Variants in LMF1 observed in about 807,000 individuals in gnomAD.
LMF1 encodes the protein transmembrane protein 112.
In LMF1, 68 loss-of-function variants were observed where a neutral mutation model predicts 60.6. The ratio of observed to expected loss-of-function variants is 1.12; its 90% confidence interval spans 0.92 to 1.37. The LOEUF is 1.37. Among genes scored for constraint, LMF1 ranks in the 40% most tolerant of loss-of-function variants. The pLI, the probability that LMF1 is intolerant of heterozygous loss-of-function variation, is 0.00. For missense variants in LMF1, 948 were observed against 767.2 expected (o/e 1.24, Z -2.78); for synonymous variants, 418 against 324.7 (o/e 1.29, Z -3.09).
intron 1 of LMF1, among the ~76,000 whole-genome samples, chr16:965,434 A>C (rs897740975): frequency 1.3e-5 from 2 of 152,042 alleles, no homozygotes; most frequent in Admixed American, 6.6e-5. Flanking sequence ...ACAAGAGAGC[A>C]AAAAAAAGAG....
intron 1 of LMF1, 28 bp from the exon 2 acceptor site, chr16:954,694 A>C (rs3751666): frequency 6.4e-6 from 10 of 1,559,870 alleles, no homozygotes; most frequent in East Asian, 2.2e-5. Context: ...CAAAACAAGC[A>C]TGACTAGGAA....
intron 1 of LMF1, among the ~76,000 whole-genome samples, chr16:965,689 C>G (rs1231130652): frequency 1.3e-5 from 2 of 152,140 alleles, no homozygotes; most frequent in South Asian, 4.1e-4. Context: ...CACCAGCAAA[C>G]AGGAAGGCAT....
chr16:904,366 G>A (rs1596960297), intron 4 of LMF1, among the ~76,000 whole-genome samples: 2 of 97,484 alleles, frequency 2.1e-5, no homozygotes, highest in African/African-American at 4.2e-5. Context: ...CAGGACGCCT[G>A]TCTCTGCTGC....
intron 3 of LMF1, among the ~76,000 whole-genome samples, chr16:920,606 C>T (rs1032784229): frequency 2.3e-4 from 35 of 152,130 alleles, no homozygotes; most frequent in Admixed American, 9.8e-4. Flanking sequence ...CCCAGGAGCT[C>T]GTGGAAGGCA....
At chr16:969,992 C>A (rs1253442099) in intron 1 of LMF1, among the ~76,000 whole-genome samples, 1 of 152,218 alleles carries the variant, frequency 6.6e-6, no homozygotes, top group East Asian at 1.9e-4. Flanking sequence ...GCTCTGTAGG[C>A]TGCGCACGCG....
intron 1 of LMF1, among the ~76,000 whole-genome samples, chr16:964,887 C>T (rs372343943): frequency 6.6e-6 from 1 of 152,184 alleles, no homozygotes; most frequent in Non-Finnish European, 1.5e-5. Flanking sequence ...GCCGGGGAGA[C>T]GCGATAAAAC....
chr16:904,328 T>C (rs2070911838), intron 4 of LMF1, among the ~76,000 whole-genome samples: 1 of 119,968 alleles, frequency 8.3e-6, no homozygotes, highest in Admixed American at 8.0e-5. Context: ...CTGTCTCTGC[T>C]GCGTGGTGGT....
chr16:941,464 C>A (rs2072099482), intron 2 of LMF1, among the ~76,000 whole-genome samples: 2 of 152,348 alleles, frequency 1.3e-5, no homozygotes, highest in South Asian at 4.1e-4. Context: ...CTCAGGTGAT[C>A]TGCCTGCCTT....
At chr16:931,641 C>T in intron 3 of LMF1, 4 of 1,286,952 alleles carry the variant, frequency 3.1e-6, no homozygotes, top group Non-Finnish European at 4.0e-6. Context: ...CGGAGTCATA[C>T]CTCAGTAACT....
At chr16:892,153 G>A (rs1041528834) in intron 5 of LMF1, among the ~76,000 whole-genome samples, 5 of 152,336 alleles carry the variant, frequency 3.3e-5, no homozygotes, top group African/African-American at 9.6e-5. Context: ...GCTTGGAGGC[G>A]GTGAGTGCCA....
intron 1 of LMF1, among the ~76,000 whole-genome samples, chr16:967,492 C>T (rs182022485): frequency 6.6e-6 from 1 of 152,226 alleles, no homozygotes; most frequent in Non-Finnish European, 1.5e-5. Context: ...GAGGCACCGG[C>T]ACCCATGGGC....
intron 3 of LMF1, among the ~76,000 whole-genome samples, chr16:912,706 C>A (rs1215064299): frequency 6.6e-6 from 1 of 152,202 alleles, no homozygotes; most frequent in African/African-American, 2.4e-5. Flanking sequence ...CCCACGGAAG[C>A]CAGAGCCGCC....
At chr16:917,351 G>A (rs918878004) in intron 3 of LMF1, among the ~76,000 whole-genome samples, 5 of 100,798 alleles carry the variant, frequency 5.0e-5, no homozygotes, top group African/African-American at 1.1e-4. Context: ...GCGGGTGGGC[G>A]CAGGCCCACG....
intron 2 of LMF1, among the ~76,000 whole-genome samples, chr16:935,482 T>A (rs1342642633): frequency 6.6e-6 from 1 of 151,536 alleles, no homozygotes; most frequent in African/African-American, 2.4e-5. Context: ...GGTTGTCCAA[T>A]CTTGTGGCTT....
chr16:942,572 C>T (rs1293528341), intron 2 of LMF1, among the ~76,000 whole-genome samples: 1 of 151,310 alleles, frequency 6.6e-6, no homozygotes, highest in Non-Finnish European at 1.5e-5. Flanking sequence ...GCTCCAATCA[C>T]ACATATGTTA....
intron 2 of LMF1, among the ~76,000 whole-genome samples, chr16:941,898 T>C (rs1363618880): frequency 6.6e-6 from 1 of 152,232 alleles, no homozygotes; most frequent in African/African-American, 2.4e-5. Flanking sequence ...ATTACAGTAT[T>C]ACAGTTTTTG....
intron 10 of LMF1, among the ~76,000 whole-genome samples, chr16:867,265 T>C (rs371893317): frequency 7.2e-5 from 11 of 152,240 alleles, no homozygotes; most frequent in African/African-American, 2.4e-4. Flanking sequence ...AGGTAGACTT[T>C]GGGACTCATG....
intron 1 of LMF1, among the ~76,000 whole-genome samples, chr16:958,657 T>C (rs963174742): frequency 5.9e-5 from 9 of 152,010 alleles, no homozygotes; most frequent in Non-Finnish European, 1.0e-4. Flanking sequence ...GAGGCCGAGG[T>C]GGGCAGATCA....
At position 928,670 on chromosome 16, in the gene LMF1, A is replaced by T. The variant is rs1189206304; in HGVS notation, c.514+5574T>A. Among the ~76,000 whole-genome samples the T allele has an allele frequency of 6.6e-5, 10 of 151,414 alleles. 1 individual carries two copies. In the South Asian group the frequency reaches 1.1e-3, roughly 16 times the overall value. On this transcript the variant is annotated intron_variant, in intron 3 of 10. Transcript: ENST00000262301. ...CACCATCAACAGCCCGGTTCCCTGCACGAGCCCATCCCCACGCCCCCACGA... is the reference window on the plus strand; with the variant it reads ...CACCATCAACAGCCCGGTTCCCTGCTCGAGCCCATCCCCACGCCCCCACGA...
Sources: allele counts gnomAD v4.1 joint callset (sites outside exome capture counted in the v4.1 genomes callset), GRCh38; gene constraint gnomAD v4.1.1; transcripts MANE v1.5; gene names NCBI Gene and HGNC (gene_info 2026-07-23, HGNC 2026-07-21).